SMYD3: variants seen among roughly 807,000 people sequenced by gnomAD.
SMYD3 encodes histone-lysine N-methyltransferase SMYD3.
A neutral mutation model predicts 57.7 loss-of-function variants in SMYD3; 36 were observed. That is an observed-to-expected ratio of 0.62 (90% CI 0.48 to 0.82). The LOEUF is 0.82. Ranked by LOEUF, SMYD3 falls within the 40% of genes least tolerant of loss-of-function variation. The pLI is 0.00. For synonymous variants in SMYD3, 211 were observed against 195.0 expected (o/e 1.08, Z -0.68); for missense variants, 515 against 538.8 (o/e 0.96, Z 0.44).
At chr1:246,379,081 T>TACACACAAACAC (rs2066343850) in intron 1 of SMYD3, among the ~76,000 whole-genome samples, 1 of 130,520 alleles carries the variant, frequency 7.7e-6, no homozygotes, top group Non-Finnish European at 1.6e-5. Context: ...CACACATACA[T>TACACACAAACAC]ACACACACAC....
intron 5 of SMYD3, among the ~76,000 whole-genome samples, chr1:246,192,562 T>G (rs2062755830): frequency 6.6e-6 from 1 of 152,192 alleles, no homozygotes. Flanking sequence ...AACCTATGTG[T>G]GGCTTTTTTA....
In SMYD3 at chr1:245,946,543, A is replaced by T. The variant is rs551428427; in HGVS notation, c.532-16606T>A. 3.3e-5 allele frequency among the ~76,000 whole-genome samples: 5 copies of T among 152,288 alleles called. No homozygotes were observed. The East Asian group carries it at 9.7e-4, about 29-fold the overall frequency. ...ATCTTCATGAAAGAAAGGTAAGAGA[A>T]CTCAACAGACGCTTCTGAGGCTACA... On this transcript the variant is annotated intron_variant, in intron 5 of 11. Coordinates refer to ENST00000490107, the MANE Select transcript of SMYD3 (RefSeq NM_001167740.2).
chr1:246,416,962 T>A (rs1294818056), intron 1 of SMYD3, among the ~76,000 whole-genome samples: 1 of 152,168 alleles, frequency 6.6e-6, no homozygotes, highest in Non-Finnish European at 1.5e-5. Flanking sequence ...AAAGAATCTA[T>A]AATAAGTCAT....
chr1:246,096,654 T>C (rs2147913848), intron 5 of SMYD3, among the ~76,000 whole-genome samples: 2 of 152,326 alleles, frequency 1.3e-5, no homozygotes, highest in Admixed American at 1.3e-4. Context: ...CTAACTAGAA[T>C]ACATTGCAAT....
chr1:246,419,468 G>A (rs1200137057), intron 1 of SMYD3, among the ~76,000 whole-genome samples: 1 of 152,128 alleles, frequency 6.6e-6, no homozygotes, highest in African/African-American at 2.4e-5. Flanking sequence ...GTTTTTATAG[G>A]CCCAGGATGG....
At chr1:246,280,963 A>C (rs1003762948) in intron 5 of SMYD3, among the ~76,000 whole-genome samples, 7 of 152,236 alleles carry the variant, frequency 4.6e-5, no homozygotes, top group Admixed American at 1.3e-4. Flanking sequence ...AAAACCTAGC[A>C]ATTAAAATCA....
intron 5 of SMYD3, among the ~76,000 whole-genome samples, chr1:246,017,965 A>G (rs2059405150): frequency 6.6e-6 from 1 of 152,136 alleles, no homozygotes; most frequent in Admixed American, 6.5e-5. Flanking sequence ...TTACTTTATG[A>G]AACAAGAAGA....
intron 5 of SMYD3, among the ~76,000 whole-genome samples, chr1:245,987,029 C>A (rs142670200): frequency 6.6e-6 from 1 of 152,128 alleles, no homozygotes; most frequent in Non-Finnish European, 1.5e-5. Flanking sequence ...TCACCACTTG[C>A]GGATGAATAG....
At chr1:246,107,165 T>C (rs1364453150) in intron 5 of SMYD3, among the ~76,000 whole-genome samples, 5 of 149,288 alleles carry the variant, frequency 3.3e-5, no homozygotes, top group African/African-American at 7.5e-5. Flanking sequence ...CAGGCGCCTG[T>C]AGTCCCAGCT....
intron 8 of SMYD3, among the ~76,000 whole-genome samples, chr1:245,913,004 A>C (rs993935257): frequency 1.3e-5 from 2 of 152,216 alleles, no homozygotes; most frequent in African/African-American, 2.4e-5. Context: ...CAGCCATCCC[A>C]TTACTGGGTA....
chr1:245,860,230 T>C (rs1261290634), intron 9 of SMYD3, among the ~76,000 whole-genome samples: 4 of 151,944 alleles, frequency 2.6e-5, no homozygotes, highest in Non-Finnish European at 5.9e-5. Context: ...TGCCATCCCC[T>C]GCCCCCAATT....
intron 5 of SMYD3, among the ~76,000 whole-genome samples, chr1:246,102,779 C>T (rs1353274137): frequency 6.6e-6 from 1 of 151,706 alleles, no homozygotes; most frequent in Non-Finnish European, 1.5e-5. Context: ...ATAATCCTAC[C>T]TACTCCGGAG....
intron 5 of SMYD3, among the ~76,000 whole-genome samples, chr1:246,061,853 C>G (rs55912974): frequency 6.6e-6 from 1 of 152,092 alleles, no homozygotes; most frequent in African/African-American, 2.4e-5. Context: ...GGCACTATTA[C>G]AAAGACGTGC....
intron 10 of SMYD3, among the ~76,000 whole-genome samples, chr1:245,794,472 G>A (rs577309006): frequency 1.1e-4 from 16 of 152,266 alleles, no homozygotes; most frequent in African/African-American, 3.8e-4. Context: ...CTCTGCCAGC[G>A]ATGTTCTGAA....
intron 1 of SMYD3, among the ~76,000 whole-genome samples, chr1:246,461,659 G>C (rs914982193): frequency 6.6e-6 from 1 of 151,024 alleles, no homozygotes; most frequent in Non-Finnish European, 1.5e-5. Flanking sequence ...GCATGAACCC[G>C]GGAGGCTGAG....
rs944322200 is a variant in SMYD3, at chr1:246,327,081, T to C, written c.531+120A>G. 14 of 1,136,832 alleles carry C rather than the reference T, an allele frequency of 1.2e-5. No homozygotes were observed. The African/African-American group carries it at 1.9e-4, about 15-fold the overall frequency. 70.4% of individuals were successfully genotyped at this position (1,136,832 alleles called of 1,614,324 possible). ...TCTACTCACTATGATAAGGAAGTAA[T>C]ATAAGGCATTAAGGGTCTTGAATTT... On this transcript the variant is annotated intron_variant, in intron 5 of 11. Coordinates refer to ENST00000490107, the MANE Select transcript of SMYD3 (RefSeq NM_001167740.2).
At chr1:245,830,586 G>C (rs949663180) in intron 10 of SMYD3, among the ~76,000 whole-genome samples, 14 of 152,194 alleles carry the variant, frequency 9.2e-5, no homozygotes, top group African/African-American at 1.4e-4. Flanking sequence ...TTTTTCTTCT[G>C]TAACTCTATA....
intron 10 of SMYD3, among the ~76,000 whole-genome samples, chr1:245,797,871 G>A (rs921987092): frequency 6.8e-6 from 1 of 146,382 alleles, no homozygotes; most frequent in Non-Finnish European, 1.5e-5. Flanking sequence ...CACCAGCGAG[G>A]CTCATTGCTT....
intron 5 of SMYD3, among the ~76,000 whole-genome samples, chr1:246,114,203 T>C (rs1482972627): frequency 6.6e-6 from 1 of 152,202 alleles, no homozygotes; most frequent in Non-Finnish European, 1.5e-5. Context: ...GGAAATTGGA[T>C]TTACCTTCCC....
Sources: allele counts gnomAD v4.1 joint callset (sites outside exome capture counted in the v4.1 genomes callset), GRCh38; gene constraint gnomAD v4.1.1; transcripts MANE v1.5; gene names NCBI Gene and HGNC (gene_info 2026-07-23, HGNC 2026-07-21).